GRM1: variants seen among roughly 807,000 people sequenced by gnomAD.
GRM1 encodes glutamate metabotropic receptor 1, also known as metabotropic glutamate receptor 1.
Under a neutral mutation model 90.9 loss-of-function variants are expected in GRM1, and 33 were observed. The observed-to-expected ratio is 0.36, with a 90% CI of 0.28 to 0.49. The LOEUF (loss-of-function observed/expected upper bound fraction) is 0.49. Ranked by LOEUF, GRM1 falls within the 20% of genes least tolerant of loss-of-function variation. The probability of loss-of-function intolerance (pLI) is 0.99; values close to 1 mark genes in which losing one functional copy is unlikely to be tolerated. For missense variants in GRM1, 1,190 were observed against 1,534.3 expected (o/e 0.78, Z 3.75); for synonymous variants, 700 against 613.2 (o/e 1.14, Z -2.09).
rs1781989886 is a variant in GRM1 at position 146,268,202 on chromosome 6, T to C, written c.951-36409T>C. Reference sequence around the variant, plus strand: ...TTGTTTTTACTTAGTAAGGTGTAAGTAATTGACACACATTTTTTAAAATGA... The same window carrying C: ...TTGTTTTTACTTAGTAAGGTGTAAGCAATTGACACACATTTTTTAAAATGA... On this transcript the variant is annotated intron_variant, in intron 2 of 7. Coordinates refer to ENST00000282753, the MANE Select transcript of GRM1 (RefSeq NM_001278064.2). Among the ~76,000 whole-genome samples the C allele has an allele frequency of 2.0e-5, 3 of 152,216 alleles. No individual in the cohort carries two copies. In the South Asian group the frequency reaches 6.2e-4, roughly 31 times the overall value.
chr6:146,136,848 G>A (rs1248875696), intron 1 of GRM1, among the ~76,000 whole-genome samples: 2 of 119,460 alleles, frequency 1.7e-5, no homozygotes, highest in Non-Finnish European at 3.6e-5. Context: ...TTGTACAGAA[G>A]CTTTTTTTTT....
chr6:146,052,335 C>T (rs1775321726), intron 1 of GRM1, among the ~76,000 whole-genome samples: 1 of 151,942 alleles, frequency 6.6e-6, no homozygotes, highest in African/African-American at 2.4e-5. Context: ...GTTTAGGGCA[C>T]TGGTTGTCAC....
chr6:146,053,255 T>G (rs754608546), intron 1 of GRM1, among the ~76,000 whole-genome samples: 3 of 152,114 alleles, frequency 2.0e-5, no homozygotes, highest in Admixed American at 1.3e-4. Flanking sequence ...TATTGAGAAT[T>G]TAGAATACAA....
intron 2 of GRM1, among the ~76,000 whole-genome samples, chr6:146,284,895 T>G (rs1782701174): frequency 6.6e-6 from 1 of 152,184 alleles, no homozygotes; most frequent in African/African-American, 2.4e-5. Flanking sequence ...AAATTTTAGC[T>G]TCATCCAGTC....
chr6:146,241,326 C>T (rs904487491), intron 2 of GRM1, among the ~76,000 whole-genome samples: 1 of 152,046 alleles, frequency 6.6e-6, no homozygotes, highest in Non-Finnish European at 1.5e-5. Context: ...TTCTTGGGAA[C>T]CTGGAGACTG....
intron 2 of GRM1, among the ~76,000 whole-genome samples, chr6:146,271,040 T>G (rs1782141765): frequency 6.7e-6 from 1 of 149,662 alleles, no homozygotes; most frequent in South Asian, 2.1e-4. Flanking sequence ...AGTCTCACTC[T>G]GTCACCCAGC....
chr6:146,129,619 TAGTGAAG>T (rs1430097324), intron 1 of GRM1, among the ~76,000 whole-genome samples: 1 of 152,176 alleles, frequency 6.6e-6, no homozygotes, highest in Non-Finnish European at 1.5e-5. Context: ...GCTGAGTTCT[TAGTGAAG>T]CTAGGCCACT....
intron 1 of GRM1, among the ~76,000 whole-genome samples, chr6:146,104,815 G>A: frequency 6.6e-6 from 1 of 152,310 alleles, no homozygotes; most frequent in Non-Finnish European, 1.5e-5. Context: ...GATAAATTTT[G>A]CAACGTGATA....
chr6:146,269,730 G>A (rs1044556177), intron 2 of GRM1, among the ~76,000 whole-genome samples: 1 of 152,130 alleles, frequency 6.6e-6, no homozygotes, highest in Non-Finnish European at 1.5e-5. Flanking sequence ...TGCTCCTTAT[G>A]AGAATCTGAT....
intron 2 of GRM1, among the ~76,000 whole-genome samples, chr6:146,193,382 G>A (rs537700165): frequency 6.6e-6 from 1 of 152,252 alleles, no homozygotes; most frequent in South Asian, 2.1e-4. Flanking sequence ...TCTAGACCAT[G>A]AGAAAATAAC....
chr6:146,030,856 G>A (rs562372044), intron 1 of GRM1, among the ~76,000 whole-genome samples: 4 of 152,130 alleles, frequency 2.6e-5, no homozygotes, highest in South Asian at 4.2e-4. Flanking sequence ...TTACTTTATA[G>A]GCTAAAATCA....
intron 4 of GRM1, among the ~76,000 whole-genome samples, chr6:146,353,622 G>A (rs1785479749): frequency 6.6e-6 from 1 of 152,108 alleles, no homozygotes; most frequent in Admixed American, 6.5e-5. Flanking sequence ...TAGGCAACGT[G>A]GCTGGCAATC....
chr6:146,412,106 G>T (rs572745267), intron 7 of GRM1, among the ~76,000 whole-genome samples: 1 of 152,216 alleles, frequency 6.6e-6, no homozygotes, highest in Admixed American at 6.5e-5. Flanking sequence ...ACAAGCAATG[G>T]TCAAGTCTTG....
At chr6:146,045,238 C>A (rs949540832) in intron 1 of GRM1, among the ~76,000 whole-genome samples, 4 of 151,900 alleles carry the variant, frequency 2.6e-5, no homozygotes, top group Non-Finnish European at 5.9e-5. Context: ...TTTATCTATT[C>A]ATTTCTTACA....
In GRM1 at chr6:146,029,797, G is replaced by A. The variant is rs543481007; in HGVS notation, c.280G>A (p.Val94Ile). ...HTLDKINADPVLLPNITLGSE... is the reference protein window; with the variant it reads ...HTLDKINADPILLPNITLGSE... Reference sequence around the variant, plus strand: ...GTTGGATAAGATCAACGCGGACCCGGTCCTCCTGCCCAACATCACCCTGGG... The same window carrying A: ...GTTGGATAAGATCAACGCGGACCCGATCCTCCTGCCCAACATCACCCTGGG... Residue 94 changes from valine to isoleucine, a missense_variant, in exon 1 of 8, where the codon GTC (valine) becomes ATC (isoleucine). By Grantham distance (29) the Val-to-Ile change is conservative. Coordinates refer to ENST00000282753, the MANE Select transcript of GRM1 (RefSeq NM_001278064.2). The A allele has an allele frequency of 2.5e-5, 40 of 1,614,054 alleles. No homozygotes were observed. The South Asian group carries it at 4.3e-4, about 17-fold the overall frequency.
intron 2 of GRM1, among the ~76,000 whole-genome samples, chr6:146,223,852 C>T (rs1360785957): frequency 1.3e-5 from 2 of 152,052 alleles, no homozygotes; most frequent in Admixed American, 6.6e-5. Flanking sequence ...ACTCGTGTCC[C>T]ATCACAAGAA....
chr6:146,035,323 G>A (rs1790850463), intron 1 of GRM1, among the ~76,000 whole-genome samples: 1 of 151,942 alleles, frequency 6.6e-6, no homozygotes, highest in African/African-American at 2.4e-5. Context: ...ATACATCCAA[G>A]CACAGTTAGA....
intron 6 of GRM1, among the ~76,000 whole-genome samples, chr6:146,394,791 G>C (rs567731555): frequency 1.4e-4 from 21 of 152,194 alleles, no homozygotes; most frequent in Non-Finnish European, 2.4e-4. Flanking sequence ...AAATAAGCAC[G>C]CTATTTGAAC....
At chr6:146,351,252 T>G (rs961842017) in intron 3 of GRM1, among the ~76,000 whole-genome samples, 1 of 152,170 alleles carries the variant, frequency 6.6e-6, no homozygotes, top group Non-Finnish European at 1.5e-5. Flanking sequence ...TCCCACCTTC[T>G]AGTACTTCAA....
Sources: gnomAD v4.1 joint callset for allele counts (sites outside exome capture counted in the v4.1 genomes callset) on GRCh38, gnomAD v4.1.1 for gene constraint, MANE v1.5 for transcripts, NCBI Gene and HGNC (gene_info 2026-07-23, HGNC 2026-07-21) for gene names.